The following CLPTM1 variants were observed in gnomAD, a reference collection of about 807,000 sequenced individuals.
CLPTM1 encodes putative lipid scramblase CLPTM1.
CLPTM1 carries 21 observed loss-of-function variants against 77.3 expected under a neutral mutation model. That is an observed-to-expected ratio of 0.27 (90% CI 0.19 to 0.39). CLPTM1 has a LOEUF of 0.39. Among genes scored for constraint, CLPTM1 ranks in the 10% least tolerant of loss-of-function variants. CLPTM1 has a pLI of 1.00. For missense variants in CLPTM1, 642 were observed against 921.2 expected, an observed-to-expected ratio of 0.70 and a Z score of 3.92; for synonymous variants, 373 against 381.0, an observed-to-expected ratio of 0.98 and a Z score of 0.24.
Position 44,962,006 on chromosome 19 carries a change from C to A in CLPTM1, c.116C>A (p.Thr39Asn), listed in dbSNP as rs146651919. 1 of 1,610,526 alleles carries A rather than the reference C, an allele frequency of 6.2e-7. No individual in the cohort carries two copies. Among genetic ancestry groups the A allele is most frequent in the Non-Finnish European group, 8.5e-7 (1 of 1,178,968 alleles). ...ATCGGGAGGGACCCGCCAGCGGAGA[C>A]CCAGCCTCAGAACCCACCGGCCCAG... ...GSIGRDPPAE[T>N]QPQNPPAQPA... The change falls in exon 2 of 14, where the codon ACC (threonine) becomes AAC (asparagine). Residue 39 changes from threonine to asparagine, a missense_variant. By Grantham distance (65) the Thr-to-Asn change is moderately conservative. Around this residue, in one of 2 missense-constraint regions of CLPTM1, gnomAD observed 121 missense variants for 120.8 expected, o/e 1.00. Transcript: ENST00000337392.
At chr19:44,973,761 GTTTTT>G (rs71173113) in intron 3 of CLPTM1, among the ~76,000 whole-genome samples, 10 of 62,458 alleles carry the variant, frequency 1.6e-4, no homozygotes, top group Non-Finnish European at 2.8e-4. Context: ...GTCACAGTGG[GTTTTT>G]TTTTTTTTTT....
At chr19:44,954,961 A>G, upstream of CLPTM1, 1 of 1,533,498 alleles carries the variant, frequency 6.5e-7, no homozygotes, top group Non-Finnish European at 8.7e-7. Flanking sequence ...CTCTGACGAA[A>G]GAGGGGCGTG....
rs184694330 is a variant in CLPTM1 at position 44,990,095 on chromosome 19, G to A, written c.1133-300G>A. 9 of 400,572 alleles carry A rather than the reference G, an allele frequency of 2.2e-5. No homozygotes were observed. The highest frequency in any genetic ancestry group is 1.0e-4 in the African/African-American group (5 of 49,466). 24.8% of individuals were successfully genotyped at this position (400,572 alleles called of 1,614,324 possible). A position where few individuals can be genotyped will look rare whatever the true frequency, so the allele number is the denominator to read the frequency against. On this transcript the variant is annotated intron_variant, in intron 9 of 13. Transcript: ENST00000337392. The surrounding 1 kb of genome is among the most constrained non-coding windows in gnomAD (Gnocchi z 4.8). The stretch of plus-strand genomic sequence containing the variant: ...CTGACCAGTCCTTAGCACCTGGCAC[G>A]TGGTGAGCCCTGTCCATGGCACCAG...
At position 44,990,382 on chromosome 19, in the gene CLPTM1, C is replaced by T; in HGVS notation, c.1133-13C>T. The T allele has an allele frequency of 1.2e-6, 2 of 1,612,944 alleles. No individual in the cohort carries two copies. The highest frequency in any genetic ancestry group is 1.7e-6 in the Non-Finnish European group (2 of 1,179,154). ...CCTCAGCCTCCTGGTTCCCCCCTACCCCCTGCGCACAGATATCCAGTTCTG... is the reference window on the plus strand; with the variant it reads ...CCTCAGCCTCCTGGTTCCCCCCTACTCCCTGCGCACAGATATCCAGTTCTG... On this transcript the variant is annotated splice_polypyrimidine_tract_variant and intron_variant, in intron 9 of 13. Coordinates refer to ENST00000337392, the MANE Select transcript of CLPTM1 (RefSeq NM_001294.4). The surrounding 1 kb of genome is among the most constrained non-coding windows in gnomAD (Gnocchi z 4.8).
chr19:44,987,441 G>C lies in CLPTM1; in HGVS notation c.1038+18G>C. 6.2e-7 allele frequency: 1 copy of C among 1,610,898 alleles called. No individual in the cohort carries two copies. The highest frequency in any genetic ancestry group is 8.5e-7 in the Non-Finnish European group (1 of 1,178,766). On this transcript the variant is annotated intron_variant, in intron 8 of 13. Transcript: ENST00000337392. Reference sequence around the variant, plus strand: ...CGGTGAAGGTGAGTGCGGCCGGTGTGGGCGGGACTTCCCGGTGCCTTCCTG... The same window carrying C: ...CGGTGAAGGTGAGTGCGGCCGGTGTCGGCGGGACTTCCCGGTGCCTTCCTG...
chr19:44,955,068 G>A, upstream of CLPTM1: 1 of 1,535,720 alleles, frequency 6.5e-7, no homozygotes, highest in Non-Finnish European at 8.7e-7. Context: ...GTCCCGAAAG[G>A]CTCATATAAC....
intron 5 of CLPTM1, among the ~76,000 whole-genome samples, chr19:44,978,741 A>G (rs1242188299): frequency 6.6e-6 from 1 of 152,120 alleles, no homozygotes; most frequent in Non-Finnish European, 1.5e-5. Flanking sequence ...TCCTGAGGGG[A>G]GGGTCCTCAT....
chr19:44,961,867 CTT>C lies in CLPTM1; in HGVS notation c.73-94_73-93del, dbSNP rs1437454866. ...CTCCAGTTATTGATAAGCACCCACTCTTTGCCCAGCCTGTGCCTGGCCTTCAT... is the reference window on the plus strand; with the variant it reads ...CTCCAGTTATTGATAAGCACCCACTCTGCCCAGCCTGTGCCTGGCCTTCAT... On this transcript the variant is annotated intron_variant, in intron 1 of 13. Transcript: ENST00000337392. 7 of 717,914 alleles carry C rather than the reference CTT, an allele frequency of 9.8e-6. No individual in the cohort carries two copies. In the East Asian group the frequency reaches 1.4e-4, roughly 15 times the overall value. 44.5% of individuals were successfully genotyped at this position (717,914 alleles called of 1,614,324 possible). A position where few individuals can be genotyped will look rare whatever the true frequency, so the allele number is the denominator to read the frequency against.
At chr19:44,973,066 C>T in intron 2 of CLPTM1, 21 bp from the exon 3 acceptor site, 2 of 1,612,172 alleles carry the variant, frequency 1.2e-6, no homozygotes, top group Non-Finnish European at 1.7e-6. Context: ...GGACTCACCA[C>T]CTTGCTGCTT....
chr19:44,961,163 G>A (rs978508881), intron 1 of CLPTM1, among the ~76,000 whole-genome samples: 4 of 152,172 alleles, frequency 2.6e-5, no homozygotes, highest in Admixed American at 6.5e-5. Context: ...CTCAGCAGCC[G>A]GATGGAGCTG....
chr19:44,989,767 G>T (rs1299828442), intron 9 of CLPTM1, among the ~76,000 whole-genome samples: 1 of 152,160 alleles, frequency 6.6e-6, no homozygotes, highest in East Asian at 1.9e-4. Flanking sequence ...TCAAGAGAGG[G>T]GTGTCCGTGG....
chr19:44,983,226 G>A (rs994128162), intron 5 of CLPTM1, among the ~76,000 whole-genome samples: 5 of 152,124 alleles, frequency 3.3e-5, no homozygotes, highest in African/African-American at 9.7e-5. Flanking sequence ...CCCCGCTGTT[G>A]GCCAGGTCTC....
Position 44,992,666 on chromosome 19 carries a change from C to T in CLPTM1, c.1779C>T (p.Thr593=), listed in dbSNP as rs925647515. ...YQRWIYRVDP[T]RVNEFGMSGE... ...GGTGGATCTACCGCGTCGACCCCACCCGAGTCAACGAGTTTGGCATGAGTG... is the reference window on the plus strand; with the variant it reads ...GGTGGATCTACCGCGTCGACCCCACTCGAGTCAACGAGTTTGGCATGAGTG... The change falls in exon 14 of 14, where the codon ACC becomes ACT. Residue 593 remains threonine, a synonymous_variant. Transcript: ENST00000337392. This position sits in a 1 kb window ranked among gnomAD's most constrained non-coding sequence, Gnocchi z 7.7. The T allele has an allele frequency of 6.8e-6, 11 of 1,614,006 alleles. No homozygotes were observed. The Admixed American group carries it at 1.0e-4, about 15-fold the overall frequency.
At chr19:44,956,419 C>T (rs962035242) in intron 1 of CLPTM1, among the ~76,000 whole-genome samples, 1 of 152,148 alleles carries the variant, frequency 6.6e-6, no homozygotes, top group Non-Finnish European at 1.5e-5. Context: ...CAGTTGTAAT[C>T]CTGAATGATT....
At chr19:44,987,518 G>T (rs530379882) in intron 8 of CLPTM1, 95 bp downstream of exon 8, 4 of 1,505,138 alleles carry the variant, frequency 2.7e-6, no homozygotes, top group Non-Finnish European at 3.6e-6. Context: ...GGGACCTCCC[G>T]CCTGGTGCTC....
At chr19:44,988,574 C>T (rs543898314) in intron 9 of CLPTM1, among the ~76,000 whole-genome samples, 7 of 152,356 alleles carry the variant, frequency 4.6e-5, no homozygotes, top group Admixed American at 2.6e-4. Context: ...AGCACTGTCC[C>T]CCAAAGGTCC....
chr19:44,962,114 T>TC, intron 2 of CLPTM1, 39 bp downstream of exon 2: 1 of 1,246,994 alleles, frequency 8.0e-7, no homozygotes, highest in South Asian at 1.3e-5. Context: ...CCGAAAACAT[T>TC]CAAATAAAAA....
At chr19:44,974,339 C>A in intron 3 of CLPTM1, 100 bp from the exon 4 acceptor site, 1 of 1,199,574 alleles carries the variant, frequency 8.3e-7, no homozygotes, top group Non-Finnish European at 1.2e-6. Flanking sequence ...TCCATAATTA[C>A]TGTTCCCCTG....
intron 5 of CLPTM1, among the ~76,000 whole-genome samples, chr19:44,983,343 G>T (rs566294170): frequency 1.3e-5 from 2 of 151,982 alleles, no homozygotes; most frequent in South Asian, 2.1e-4. Flanking sequence ...AAAAGTCCCC[G>T]GGCTCAGTGG....
Sources: gnomAD v4.1 joint callset for allele counts (sites outside exome capture counted in the v4.1 genomes callset) on GRCh38, gnomAD v4.1.1 for gene constraint, gnomAD v4.1.1 regional missense constraint, Gnocchi (gnomAD v3.1) non-coding constraint, MANE v1.5 for transcripts, NCBI Gene and HGNC (gene_info 2026-07-23, HGNC 2026-07-21) for gene names.